The following MBTPS1 variants were observed in gnomAD, a reference collection of about 807,000 sequenced individuals.
The protein encoded by MBTPS1 is membrane bound transcription factor peptidase, site 1, also known as membrane-bound transcription factor site-1 protease.
MBTPS1 carries 94 observed loss-of-function variants against 127.8 expected under a neutral mutation model. That is an observed-to-expected ratio of 0.74 (90% CI 0.62 to 0.87). MBTPS1 has a LOEUF of 0.87. MBTPS1 is among the 40% of genes least tolerant of loss of function. MBTPS1 has a pLI of 0.00. For synonymous variants in MBTPS1, 632 were observed against 509.4 expected (o/e 1.24, Z -3.24); for missense variants, 1,636 against 1,353.2 (o/e 1.21, Z -3.28).
rs767487861 is a variant in MBTPS1, at chr16:84,060,793, C to T, written c.2593G>A (p.Ala865Thr). 3 of 1,590,986 alleles carry T rather than the reference C, an allele frequency of 1.9e-6. No homozygotes were observed. In the South Asian group the frequency reaches 3.4e-5, roughly 18 times the overall value. The change falls in exon 20 of 23, where the codon GCC (alanine) becomes ACC (threonine). Residue 865 changes from alanine to threonine, a missense_variant. Ala to Thr is a moderately conservative substitution (Grantham distance 58, BLOSUM62 0). Coordinates refer to ENST00000343411, the MANE Select transcript of MBTPS1 (RefSeq NM_003791.4). ...RQKDCFWLLD[A>T]LLQYTSYGVT... is the part of the protein sequence containing the mutation. ...CCATACGATGTGTACTGGAGGAGGG[C>T]ATCCAGAAGCCAAAAGCAGTCTGCG... is the stretch of plus-strand genomic sequence containing the variant.
intron 4 of MBTPS1, among the ~76,000 whole-genome samples, chr16:84,094,599 T>A (rs1419189875): frequency 6.6e-6 from 1 of 152,230 alleles, no homozygotes; most frequent in Admixed American, 6.5e-5. Context: ...AAGGGCTGTG[T>A]ACATATCAAT....
intron 3 of MBTPS1, among the ~76,000 whole-genome samples, chr16:84,097,017 C>T (rs1249897100): frequency 6.6e-6 from 1 of 152,162 alleles, no homozygotes; most frequent in African/African-American, 2.4e-5. Flanking sequence ...ATCAAGTCAC[C>T]TGAGTAACTA....
chr16:84,084,895 C>T (rs1358332722), intron 10 of MBTPS1, 88 bp downstream of exon 10: 1 of 1,435,986 alleles, frequency 7.0e-7, no homozygotes, highest in Non-Finnish European at 9.5e-7. Flanking sequence ...CAAGACAGGG[C>T]AGAAGCAAGA....
At chr16:84,104,707 T>A (rs529221362) in intron 1 of MBTPS1, among the ~76,000 whole-genome samples, 2 of 152,306 alleles carry the variant, frequency 1.3e-5, no homozygotes, top group South Asian at 4.1e-4. Context: ...ATGGCTGATG[T>A]TCTCTTACAA....
chr16:84,060,533 G>C, intron 20 of MBTPS1, 149 bp downstream of exon 20: 1 of 831,556 alleles, frequency 1.2e-6, no homozygotes, highest in Non-Finnish European at 1.8e-6. Context: ...GAGCCGCTGA[G>C]TGCTGCTCTA....
chr16:84,079,598 C>A (rs1001544201), intron 11 of MBTPS1, among the ~76,000 whole-genome samples: 1 of 152,186 alleles, frequency 6.6e-6, no homozygotes, highest in Admixed American at 6.5e-5. Flanking sequence ...CTGCTCAGTA[C>A]GTATACACTA....
chr16:84,055,023 G>A (rs1455412765), intron 22 of MBTPS1, among the ~76,000 whole-genome samples: 1 of 152,208 alleles, frequency 6.6e-6, no homozygotes, highest in Non-Finnish European at 1.5e-5. Context: ...AGGGGAGAAG[G>A]AGGGGCCTGT....
chr16:84,100,684 A>ACT (rs1248733731), intron 2 of MBTPS1, among the ~76,000 whole-genome samples: 1 of 151,750 alleles, frequency 6.6e-6, no homozygotes, highest in Non-Finnish European at 1.5e-5. Context: ...CTGAGATGGC[A>ACT]CCACTGCACT....
At chr16:84,102,673 T>C (rs1301017418) in intron 1 of MBTPS1, among the ~76,000 whole-genome samples, 1 of 152,230 alleles carries the variant, frequency 6.6e-6, no homozygotes, top group Non-Finnish European at 1.5e-5. Context: ...GTTGGCACTT[T>C]TACTTCCCAC....
At chr16:84,058,362 G>C (rs2085551127) in intron 21 of MBTPS1, among the ~76,000 whole-genome samples, 1 of 152,182 alleles carries the variant, frequency 6.6e-6, no homozygotes, top group Non-Finnish European at 1.5e-5. Context: ...ACCATCACTG[G>C]AGGAAAAGAA....
At chr16:84,072,062 T>C (rs1161139683) in intron 12 of MBTPS1, 2 of 152,184 alleles carry the variant, frequency 1.3e-5, no homozygotes, top group South Asian at 2.1e-4. Flanking sequence ...CCACCTAGAA[T>C]AGCCAAATGC....
intron 2 of MBTPS1, among the ~76,000 whole-genome samples, 187 bp downstream of exon 2, chr16:84,101,434 T>C (rs1299920189): frequency 6.6e-6 from 1 of 150,448 alleles, no homozygotes; most frequent in Non-Finnish European, 1.5e-5. Flanking sequence ...GAGGTTACAG[T>C]GAGCCGAGAT....
chr16:84,058,296 G>A (rs1438053685), intron 21 of MBTPS1, among the ~76,000 whole-genome samples: 9 of 152,208 alleles, frequency 5.9e-5, no homozygotes, highest in East Asian at 1.9e-4. Flanking sequence ...ACCTTCACAC[G>A]GGCACTCTCC....
At chr16:84,099,548 G>A (rs2086225995) in intron 2 of MBTPS1, among the ~76,000 whole-genome samples, 1 of 152,154 alleles carries the variant, frequency 6.6e-6, no homozygotes, top group Non-Finnish European at 1.5e-5. Context: ...CACTTTGGGA[G>A]GCTGACGTGG....
At chr16:84,065,897 G>C in intron 17 of MBTPS1, 130 bp from the exon 18 acceptor site, 1 of 542,414 alleles carries the variant, frequency 1.8e-6, no homozygotes, top group Non-Finnish European at 3.2e-6. Context: ...AATCTTGAGG[G>C]AGGAGCTGCT....
intron 1 of MBTPS1, among the ~76,000 whole-genome samples, chr16:84,109,950 T>A (rs2086376559): frequency 6.6e-6 from 1 of 152,210 alleles, no homozygotes; most frequent in South Asian, 2.1e-4. Flanking sequence ...AGGTCTGCAA[T>A]TTACTCTCAA....
At chr16:84,058,202 C>T (rs2085548527) in intron 21 of MBTPS1, among the ~76,000 whole-genome samples, 1 of 152,204 alleles carries the variant, frequency 6.6e-6, no homozygotes, top group Non-Finnish European at 1.5e-5. Flanking sequence ...TAAGCATATT[C>T]GAAATGAAGA....
chr16:84,057,165 G>T (rs1242262108), intron 21 of MBTPS1: 1 of 152,204 alleles, frequency 6.6e-6, no homozygotes. Context: ...ACTCCCACTC[G>T]ATACTCCCAG....
At chr16:84,056,860 T>TA (rs2085529376) in intron 21 of MBTPS1, 1 of 152,256 alleles carries the variant, frequency 6.6e-6, no homozygotes, top group South Asian at 2.1e-4. Context: ...GAGAGGTTGA[T>TA]ACGCTGGCAA....
Sources: allele counts gnomAD v4.1 joint callset (sites outside exome capture counted in the v4.1 genomes callset), GRCh38; gene constraint gnomAD v4.1.1; transcripts MANE v1.5; gene names NCBI Gene and HGNC (gene_info 2026-07-23, HGNC 2026-07-21).